The following DST variants were observed in gnomAD, a reference collection of about 807,000 sequenced individuals.
DST encodes the protein bullous pemphigoid antigen.
In DST, 253 loss-of-function variants were observed where a neutral mutation model predicts 875.2. The observed-to-expected ratio is 0.29, with a 90% CI of 0.26 to 0.32. DST has a LOEUF of 0.32. DST is among the 10% of genes least tolerant of loss of function. DST has a pLI of 1.00. For synonymous variants in DST, 3,124 were observed against 3,197.1 expected, an observed-to-expected ratio of 0.98 and a Z score of 0.77; for missense variants, 8,287 against 9,111.6, an observed-to-expected ratio of 0.91 and a Z score of 3.68.
chr6:56,770,402 T>A (rs1167119051), intron 4 of DST, among the ~76,000 whole-genome samples: 1 of 152,210 alleles, frequency 6.6e-6, no homozygotes, highest in East Asian at 1.9e-4. Flanking sequence ...TCAATAAAAA[T>A]AATTTAGTTA....
intron 49 of DST, among the ~76,000 whole-genome samples, chr6:56,580,824 A>G (rs1422608220): frequency 6.9e-6 from 1 of 145,470 alleles, no homozygotes; most frequent in East Asian, 2.0e-4. Context: ...CCTTGACCTC[A>G]CAAGCTCAGG....
chr6:56,884,673 A>T (rs1489007016), intron 3 of DST, among the ~76,000 whole-genome samples: 1 of 152,024 alleles, frequency 6.6e-6, no homozygotes, highest in African/African-American at 2.4e-5. Context: ...TGCTGACATG[A>T]TCCCAGTAGT....
At chr6:56,778,914 G>T (rs1452239680) in intron 4 of DST, among the ~76,000 whole-genome samples, 1 of 151,974 alleles carries the variant, frequency 6.6e-6, no homozygotes, top group Non-Finnish European at 1.5e-5. Flanking sequence ...TGGGATGACT[G>T]GGTCAAATGG....
At chr6:56,940,125 G>A (rs1201781791) in intron 2 of DST, among the ~76,000 whole-genome samples, 1 of 147,790 alleles carries the variant, frequency 6.8e-6, no homozygotes, top group Admixed American at 6.8e-5. Context: ...ATACTGTCAG[G>A]TAATGTTTTA....
intron 4 of DST, among the ~76,000 whole-genome samples, chr6:56,744,173 G>C (rs1015513170): frequency 2.7e-5 from 4 of 148,936 alleles, no homozygotes; most frequent in African/African-American, 9.9e-5. Flanking sequence ...AAAAAGTAAA[G>C]CTTGGCCCGA....
chr6:56,841,555 C>A (rs1415852447), intron 4 of DST, among the ~76,000 whole-genome samples: 1 of 152,192 alleles, frequency 6.6e-6, no homozygotes, highest in East Asian at 1.9e-4. Flanking sequence ...AATAAGCACT[C>A]GTTTTCAGTC....
At chr6:56,477,316 A>T in intron 91 of DST, 29 bp downstream of exon 91, 1 of 1,606,540 alleles carries the variant, frequency 6.2e-7, no homozygotes, top group South Asian at 1.1e-5. Flanking sequence ...AGCTATTGCT[A>T]CTCTGAAGAT....
intron 4 of DST, among the ~76,000 whole-genome samples, chr6:56,836,859 A>AAG: frequency 6.8e-6 from 1 of 147,824 alleles, no homozygotes; most frequent in South Asian, 2.1e-4. Context: ...TCAAAAAAAA[A>AAG]AAAAGAAAGA....
chr6:56,644,828 G>T (rs557968642), intron 15 of DST, among the ~76,000 whole-genome samples: 1 of 152,190 alleles, frequency 6.6e-6, no homozygotes. Context: ...AATATGGTTT[G>T]CCTGTGTCCC....
At chr6:56,904,020 AATAAGGATTAAAATAGTAATTC>A in intron 2 of DST, among the ~76,000 whole-genome samples, 1 of 152,316 alleles carries the variant, frequency 6.6e-6, no homozygotes, top group South Asian at 2.1e-4. Flanking sequence ...TCACCTATAA[AATAAGGATTAAAATAGTAATTC>A]ATAGGGTTGC....
At chr6:56,459,583 T>C (rs2094216453) in intron 103 of DST, among the ~76,000 whole-genome samples, 1 of 152,178 alleles carries the variant, frequency 6.6e-6, no homozygotes, top group African/African-American at 2.4e-5. Context: ...TTCTAAAGTT[T>C]AAATTATGCC....
At chr6:56,632,134 C>T in intron 28 of DST, 94 bp from the exon 29 acceptor site, 1 of 864,728 alleles carries the variant, frequency 1.2e-6, no homozygotes, top group Admixed American at 2.4e-5. Flanking sequence ...ATTACTGGGA[C>T]ACAGCTAGTC....
rs2098475752 is a variant in DST at position 56,604,413 on chromosome 6, C to T, written c.10215G>A (p.Val3405=). The change falls in exon 40 of 104, where the codon GTG becomes GTA. Residue 3405 remains valine, a synonymous_variant. Coordinates refer to ENST00000680361, the MANE Select transcript of DST (RefSeq NM_001374736.1). ...TSQLVNEAST[V]PSDSQMSDSS... ...AGTCACTCATTTGAGAGTCGCTGGG[C>T]ACAGTAGATGCCTCATTTACCAACT... The T allele has an allele frequency of 6.2e-7, 1 of 1,610,054 alleles. No homozygotes were observed. Among genetic ancestry groups the T allele is most frequent in the Non-Finnish European group, 8.5e-7 (1 of 1,177,802 alleles).
At chr6:56,891,776 A>G (rs917037803) in intron 3 of DST, among the ~76,000 whole-genome samples, 1 of 152,018 alleles carries the variant, frequency 6.6e-6, no homozygotes, top group Non-Finnish European at 1.5e-5. Flanking sequence ...GTGAGCTGAG[A>G]TCGCACCACT....
At position 56,714,953 on chromosome 6, in the gene DST, A is replaced by G. The variant is rs1213386623; in HGVS notation, c.688-10584T>C. Among the ~76,000 whole-genome samples the G allele has an allele frequency of 6.6e-6, 1 of 152,234 alleles. No individual in the cohort carries two copies. Among genetic ancestry groups the G allele is most frequent in the Non-Finnish European group, 1.5e-5 (1 of 68,040 alleles). On this transcript the variant is annotated intron_variant, in intron 5 of 103. Coordinates refer to ENST00000680361, the MANE Select transcript of DST (RefSeq NM_001374736.1). The surrounding 1 kb of genome is among the most constrained non-coding windows in gnomAD (Gnocchi z 4.5). ...TTTTACTTATAGTTTTATGTAGACA[A>G]TATACATAAATGTATTAATAATTTC...
intron 36 of DST, chr6:56,620,705 C>A: frequency 1.2e-6 from 2 of 1,613,712 alleles, no homozygotes; most frequent in Non-Finnish European, 1.7e-6. Flanking sequence ...AGTCTCCTTA[C>A]ACCTTTTAAT....
intron 10 of DST, among the ~76,000 whole-genome samples, chr6:56,668,133 A>C (rs1035665328): frequency 2.0e-5 from 3 of 152,298 alleles, no homozygotes; most frequent in Non-Finnish European, 4.4e-5. Flanking sequence ...GCACTGTTAC[A>C]AATACTTTAG....
At chr6:56,487,545 T>C (rs1326717264) in intron 86 of DST, among the ~76,000 whole-genome samples, 1 of 152,214 alleles carries the variant, frequency 6.6e-6, no homozygotes, top group Non-Finnish European at 1.5e-5. Context: ...TCTTGTCCTA[T>C]TGTAAGCTAA....
In DST at chr6:56,528,970, A is replaced by G. The variant is rs1476234925; in HGVS notation, c.17596-45T>C. 3.3e-6 allele frequency: 4 copies of G among 1,224,372 alleles called. No individual in the cohort carries two copies. The South Asian group carries it at 5.2e-5, about 16-fold the overall frequency. The allele number at this position is 1,224,372 out of a possible 1,614,324, so 75.8% of individuals were successfully genotyped here. A position where few individuals can be genotyped will look rare whatever the true frequency, so the allele number is the denominator to read the frequency against. On this transcript the variant is annotated intron_variant, in intron 66 of 103. Coordinates refer to ENST00000680361, the MANE Select transcript of DST (RefSeq NM_001374736.1). ...TTTTATGTGGGGGGAAAAACATTTA[A>G]GTTAGCATTAACATTAGTTAATCTC...
Sources: gnomAD v4.1 joint callset for allele counts (sites outside exome capture counted in the v4.1 genomes callset) on GRCh38, gnomAD v4.1.1 for gene constraint, Gnocchi (gnomAD v3.1) non-coding constraint, MANE v1.5 for transcripts, NCBI Gene and HGNC (gene_info 2026-07-23, HGNC 2026-07-21) for gene names.